The following TTC28 variants were observed in gnomAD, a reference collection of about 807,000 sequenced individuals.
The protein encoded by TTC28 is tetratricopeptide repeat protein 28.
Under a neutral mutation model 198.0 loss-of-function variants are expected in TTC28, and 61 were observed. The observed-to-expected ratio is 0.31, with a 90% confidence interval of 0.25 to 0.38. The LOEUF (loss-of-function observed/expected upper bound fraction) is 0.38, where lower values mean the gene tolerates loss of function less well. Ranked by LOEUF, TTC28 falls within the 10% of genes least tolerant of loss-of-function variation. TTC28 has a pLI of 1.00. For missense variants in TTC28, 2,678 were observed against 3,164.0 expected, an observed-to-expected ratio of 0.85 and a Z score of 3.69; for synonymous variants, 1,171 against 1,297.8, an observed-to-expected ratio of 0.90 and a Z score of 2.10.
intron 2 of TTC28, among the ~76,000 whole-genome samples, chr22:28,509,115 C>A (rs1313802616): frequency 2.0e-5 from 3 of 151,370 alleles, no homozygotes; most frequent in Non-Finnish European, 4.4e-5. Context: ...TGCTTAAACA[C>A]AGGAGACGGA....
chr22:28,187,420 G>A (rs548009786), intron 5 of TTC28, among the ~76,000 whole-genome samples: 17 of 152,048 alleles, frequency 1.1e-4, no homozygotes, highest in Non-Finnish European at 2.4e-4. Flanking sequence ...CATAATTTTT[G>A]GTATAACAAA....
chr22:28,253,903 G>A (rs919650598), intron 5 of TTC28, among the ~76,000 whole-genome samples: 2 of 152,058 alleles, frequency 1.3e-5, no homozygotes, highest in East Asian at 1.9e-4. Flanking sequence ...TCAGGAGTTC[G>A]AGAGCAGCCT....
intron 5 of TTC28, among the ~76,000 whole-genome samples, chr22:28,283,846 G>A (rs1187840599): frequency 3.9e-5 from 6 of 152,112 alleles, no homozygotes; most frequent in Non-Finnish European, 7.4e-5. Flanking sequence ...ACTACATGTC[G>A]TTGGAAGTAT....
chr22:28,442,390 G>C (rs1350601472), intron 2 of TTC28, among the ~76,000 whole-genome samples: 1 of 152,252 alleles, frequency 6.6e-6, no homozygotes, highest in Non-Finnish European at 1.5e-5. Flanking sequence ...CCAGCTGCTG[G>C]GCTGGTGTGC....
At chr22:28,250,298 CT>C (rs1930425509) in intron 5 of TTC28, among the ~76,000 whole-genome samples, 1 of 152,114 alleles carries the variant, frequency 6.6e-6, no homozygotes, top group African/African-American at 2.4e-5. Context: ...TTTAGGCATT[CT>C]TTTGTTTATT....
At chr22:28,527,742 C>A (rs1427421638) in intron 2 of TTC28, among the ~76,000 whole-genome samples, 1 of 152,160 alleles carries the variant, frequency 6.6e-6, no homozygotes, top group Non-Finnish European at 1.5e-5. Flanking sequence ...ATCAAGTGAT[C>A]CTCCCACCTC....
chr22:28,044,896 CA>C (rs1342977953), intron 12 of TTC28, among the ~76,000 whole-genome samples: 1 of 152,106 alleles, frequency 6.6e-6, no homozygotes, highest in Non-Finnish European at 1.5e-5. Context: ...AGGAGAAATA[CA>C]GGTTTTCCCC....
intron 2 of TTC28, among the ~76,000 whole-genome samples, chr22:28,539,511 C>A: frequency 6.6e-6 from 1 of 151,952 alleles, no homozygotes; most frequent in East Asian, 1.9e-4. Context: ...TGGCATGCAC[C>A]TGTACCCCCA....
At chr22:28,385,634 T>C (rs1452667601) in intron 2 of TTC28, among the ~76,000 whole-genome samples, 2 of 152,006 alleles carry the variant, frequency 1.3e-5, no homozygotes, top group Non-Finnish European at 2.9e-5. Flanking sequence ...CACTCACTTA[T>C]TGTGAATTTT....
intron 5 of TTC28, among the ~76,000 whole-genome samples, chr22:28,175,177 G>GA (rs961470454): frequency 6.6e-6 from 1 of 152,080 alleles, no homozygotes; most frequent in African/African-American, 2.4e-5. Flanking sequence ...AGAAAACACT[G>GA]AAAAAGCTTC....
intron 2 of TTC28, among the ~76,000 whole-genome samples, chr22:28,414,510 A>AAGCATTCTG (rs147309380): frequency 0.15 from 22,069 of 152,084 alleles, 1,934 homozygotes; most frequent in Admixed American, 0.3. Context: ...ATGGTGGGAA[A>AAGCATTCTG]AGCATTCTGA....
chr22:28,209,655 G>A (rs780710391), intron 5 of TTC28, among the ~76,000 whole-genome samples: 5 of 152,184 alleles, frequency 3.3e-5, no homozygotes, highest in Middle Eastern at 3.2e-3. Context: ...GAACTGGGTG[G>A]AGCCCACCAC....
chr22:28,522,200 C>T (rs914701707), intron 2 of TTC28, among the ~76,000 whole-genome samples: 8 of 152,026 alleles, frequency 5.3e-5, no homozygotes, highest in South Asian at 2.1e-4. Flanking sequence ...TTTAAGAAAA[C>T]GGAGAGGCTG....
At chr22:28,619,955 A>G (rs889403274) in intron 2 of TTC28, among the ~76,000 whole-genome samples, 1 of 152,256 alleles carries the variant, frequency 6.6e-6, no homozygotes, top group African/African-American at 2.4e-5. Context: ...ACCACATTGA[A>G]GATAAAGTCC....
chr22:28,243,352 G>T (rs897582297), intron 5 of TTC28, among the ~76,000 whole-genome samples: 1 of 150,058 alleles, frequency 6.7e-6, no homozygotes, highest in African/African-American at 2.5e-5. Context: ...GGGAGACCCC[G>T]TCTCAAAACA....
intron 12 of TTC28, among the ~76,000 whole-genome samples, chr22:28,064,989 G>C (rs758619782): frequency 5.9e-5 from 9 of 152,284 alleles, no homozygotes; most frequent in African/African-American, 2.2e-4. Context: ...ACATTAGAGA[G>C]CTATCAGTGT....
At chr22:28,086,827 A>G (rs1941622496) in intron 12 of TTC28, among the ~76,000 whole-genome samples, 1 of 152,106 alleles carries the variant, frequency 6.6e-6, no homozygotes, top group Non-Finnish European at 1.5e-5. Context: ...GATAAAGGGG[A>G]TATCACCACC....
intron 5 of TTC28, among the ~76,000 whole-genome samples, chr22:28,167,038 A>G (rs1922055419): frequency 6.6e-6 from 1 of 152,234 alleles, no homozygotes; most frequent in Non-Finnish European, 1.5e-5. Flanking sequence ...AGAATACTAT[A>G]AACACCTCTA....
At chr22:28,284,017 G>T (rs1344983759) in intron 5 of TTC28, among the ~76,000 whole-genome samples, 2 of 152,146 alleles carry the variant, frequency 1.3e-5, no homozygotes, top group East Asian at 3.8e-4. Context: ...ACCAAGGAGA[G>T]AAGAGCACTT....
Sources: gnomAD v4.1 joint callset for allele counts (sites outside exome capture counted in the v4.1 genomes callset) on GRCh38, gnomAD v4.1.1 for gene constraint, MANE v1.5 for transcripts, NCBI Gene and HGNC (gene_info 2026-07-23, HGNC 2026-07-21) for gene names.